The following ZNF385D variants were observed in gnomAD, a reference collection of about 807,000 sequenced individuals.
The protein encoded by ZNF385D is zinc finger protein 659.
A neutral mutation model predicts 35.8 loss-of-function variants in ZNF385D; 15 were observed. That is an observed-to-expected ratio of 0.42 (90% CI 0.28 to 0.64). The LOEUF is 0.64. Ranked by LOEUF, ZNF385D falls within the 30% of genes least tolerant of loss-of-function variation. The pLI is 0.23. For synonymous variants in ZNF385D, 212 were observed against 186.8 expected, an observed-to-expected ratio of 1.13 and a Z score of -1.10; for missense variants, 474 against 494.6, an observed-to-expected ratio of 0.96 and a Z score of 0.39.
At position 22,372,436 on chromosome 3, in the gene ZNF385D, T is replaced by G. The variant is rs982937730; in HGVS notation, c.106+14A>C. 3 of 985,410 alleles carry G rather than the reference T, an allele frequency of 3.0e-6. No homozygotes were observed. The East Asian group carries it at 3.4e-4, about 112-fold the overall frequency. 61.0% of individuals were successfully genotyped at this position (985,410 alleles called of 1,614,324 possible). ...CCACCTGAACCGAGACACCTCTTTTTGCACTCAACTTACCGCGGCTGGGCT... is the reference window on the plus strand; with the variant it reads ...CCACCTGAACCGAGACACCTCTTTTGGCACTCAACTTACCGCGGCTGGGCT... On this transcript the variant is annotated intron_variant, in intron 2 of 5. Transcript: ENST00000494108.
chr3:21,879,568 A>G (rs1386408153), intron 3 of ZNF385D, among the ~76,000 whole-genome samples: 8 of 152,010 alleles, frequency 5.3e-5, no homozygotes, highest in African/African-American at 1.2e-4. Flanking sequence ...ATTTATTACT[A>G]TAGGTATGAA....
chr3:21,574,686 G>T (rs1283065379), intron 2 of ZNF385D, among the ~76,000 whole-genome samples: 1 of 152,030 alleles, frequency 6.6e-6, no homozygotes, highest in African/African-American at 2.4e-5. Flanking sequence ...GGGGGTAACT[G>T]GGTGGGGATA....
intron 2 of ZNF385D, among the ~76,000 whole-genome samples, chr3:22,319,214 T>C (rs1213613507): frequency 1.3e-5 from 2 of 152,152 alleles, no homozygotes; most frequent in East Asian, 3.8e-4. Flanking sequence ...TTCTTATGTG[T>C]ACAGAACTTC....
chr3:22,030,932 G>A (rs1697959876), intron 3 of ZNF385D, among the ~76,000 whole-genome samples: 1 of 152,194 alleles, frequency 6.6e-6, no homozygotes, highest in Non-Finnish European at 1.5e-5. Flanking sequence ...AAATGAAAGA[G>A]ATTGGTCAAA....
At chr3:21,549,818 C>G (rs2062505672) in intron 3 of ZNF385D, among the ~76,000 whole-genome samples, 1 of 152,180 alleles carries the variant, frequency 6.6e-6, no homozygotes, top group African/African-American at 2.4e-5. Context: ...AGAGATGTTT[C>G]AAAGCTGCCT....
At chr3:21,889,749 A>G (rs1444106557) in intron 3 of ZNF385D, among the ~76,000 whole-genome samples, 1 of 152,178 alleles carries the variant, frequency 6.6e-6, no homozygotes, top group Non-Finnish European at 1.5e-5. Context: ...ACAAAGTACC[A>G]TAAACTGAAT....
intron 3 of ZNF385D, among the ~76,000 whole-genome samples, chr3:21,992,743 T>C (rs191034473): frequency 7.2e-5 from 11 of 152,292 alleles, no homozygotes; most frequent in Admixed American, 7.2e-4. Context: ...TAAAGTGTTC[T>C]AGTCTATGGC....
chr3:22,226,833 G>C (rs1399648232), intron 2 of ZNF385D, among the ~76,000 whole-genome samples: 1 of 152,080 alleles, frequency 6.6e-6, no homozygotes, highest in Non-Finnish European at 1.5e-5. Flanking sequence ...TAGCAGGTAG[G>C]TTGATTTTCC....
At chr3:22,009,622 C>CA (rs34997150) in intron 3 of ZNF385D, among the ~76,000 whole-genome samples, 153 of 48,384 alleles carry the variant, frequency 3.2e-3, no homozygotes, top group East Asian at 5.0e-3. Flanking sequence ...GACTCTGTCT[C>CA]AAAAAAAAAA....
intron 3 of ZNF385D, among the ~76,000 whole-genome samples, chr3:21,819,696 G>A (rs2073311285): frequency 7.0e-6 from 1 of 142,734 alleles, no homozygotes; most frequent in Non-Finnish European, 1.5e-5. Flanking sequence ...GTGTACGTGT[G>A]TATATATATA....
Position 21,928,450 on chromosome 3 carries a change from C to T in ZNF385D, c.325+240367G>A, listed in dbSNP as rs531818689. On this transcript the variant is annotated intron_variant, in intron 3 of 5. Coordinates refer to the ZNF385D transcript ENST00000494108. ...GGGAGAGAGGGAAAGAGGGAGAGAG[C>T]GAAGGAATCACATTATCACCAGCTG... 8.6e-5 allele frequency among the ~76,000 whole-genome samples: 13 copies of T among 151,238 alleles called. No individual in the cohort carries two copies. In the South Asian group the frequency reaches 1.5e-3, roughly 17 times the overall value.
chr3:22,119,027 T>G (rs9310682), intron 3 of ZNF385D, among the ~76,000 whole-genome samples: 1 of 152,098 alleles, frequency 6.6e-6, no homozygotes. Flanking sequence ...GATTACCTAA[T>G]TCTAAAAAAT....
chr3:21,945,155 T>TAC (rs1553704355), intron 3 of ZNF385D, among the ~76,000 whole-genome samples: 6 of 93,970 alleles, frequency 6.4e-5, no homozygotes, highest in Admixed American at 4.5e-4. Flanking sequence ...CATATATATA[T>TAC]ACACACACAT....
intron 3 of ZNF385D, among the ~76,000 whole-genome samples, chr3:21,779,961 C>T (rs936788211): frequency 5.3e-5 from 8 of 151,700 alleles, no homozygotes; most frequent in South Asian, 2.1e-4. Context: ...ATGTAATATC[C>T]AGGCATTGTC....
At chr3:21,517,282 T>G (rs1250189166) in intron 3 of ZNF385D, among the ~76,000 whole-genome samples, 1 of 151,862 alleles carries the variant, frequency 6.6e-6, no homozygotes, top group African/African-American at 2.4e-5. Flanking sequence ...GGCAAGTAAG[T>G]GAAGCCAAAC....
chr3:21,468,532 G>C (rs1045489424), intron 4 of ZNF385D, among the ~76,000 whole-genome samples: 3 of 151,616 alleles, frequency 2.0e-5, no homozygotes, highest in Non-Finnish European at 4.4e-5. Flanking sequence ...TCATAAAAGG[G>C]AATACTACTC....
At chr3:21,538,409 T>C (rs1346239514) in intron 3 of ZNF385D, among the ~76,000 whole-genome samples, 2 of 152,062 alleles carry the variant, frequency 1.3e-5, no homozygotes, top group Non-Finnish European at 2.9e-5. Context: ...CTTCATGAGA[T>C]AGGATAGGTT....
At chr3:22,093,846 T>G (rs1485951780) in intron 3 of ZNF385D, among the ~76,000 whole-genome samples, 1 of 152,164 alleles carries the variant, frequency 6.6e-6, no homozygotes, top group Non-Finnish European at 1.5e-5. Context: ...TTACTATATG[T>G]GCAGAAAAGT....
intron 2 of ZNF385D, among the ~76,000 whole-genome samples, chr3:21,583,951 C>CTTATTTAT (rs1287837812): frequency 0.18 from 23,379 of 132,338 alleles, 2,366 homozygotes; most frequent in African/African-American, 0.27. Context: ...ATTTATTTTA[C>CTTATTTAT]TTATTTACTT....
Sources: allele counts gnomAD v4.1 joint callset (sites outside exome capture counted in the v4.1 genomes callset), GRCh38; gene constraint gnomAD v4.1.1; transcripts MANE v1.5; gene names NCBI Gene and HGNC (gene_info 2026-07-23, HGNC 2026-07-21).